STK32C: variants seen among roughly 807,000 people sequenced by gnomAD.
STK32C encodes the protein serine/threonine-protein kinase 32C.
In STK32C, 31 loss-of-function variants were observed where a neutral mutation model predicts 56.5. The ratio of observed to expected loss-of-function variants is 0.55; its 90% CI spans 0.41 to 0.74. The LOEUF is 0.74. Among genes scored for constraint, STK32C ranks in the 30% least tolerant of loss-of-function variants. The pLI is 0.00. For missense variants in STK32C, 544 were observed against 676.9 expected, an observed-to-expected ratio of 0.80 and a Z score of 2.18; for synonymous variants, 309 against 289.4, an observed-to-expected ratio of 1.07 and a Z score of -0.69.
intron 1 of STK32C, among the ~76,000 whole-genome samples, chr10:132,317,907 G>C (rs1291663891): frequency 2.0e-5 from 3 of 148,168 alleles, no homozygotes; most frequent in Non-Finnish European, 4.5e-5. Context: ...GAACCCAGGA[G>C]GCAAAGGTTG....
At chr10:132,238,613 A>T (rs550537304) in intron 2 of STK32C, among the ~76,000 whole-genome samples, 1 of 152,286 alleles carries the variant, frequency 6.6e-6, no homozygotes, top group East Asian at 1.9e-4. Flanking sequence ...GGGAAAGCAT[A>T]GAGCAGACGG....
intron 10 of STK32C, among the ~76,000 whole-genome samples, chr10:132,219,273 CT>C (rs577468405): frequency 4.0e-5 from 6 of 151,562 alleles, no homozygotes; most frequent in Admixed American, 1.3e-4. Context: ...AACAGTGGGA[CT>C]TTTTTTTTGG....
rs73383235 is a variant in STK32C, at chr10:132,250,624, G to T, written c.263-4669C>A. ...GAGGGGCTCCGCCCCGAGGCAGGTG[G>T]GTGTGAGGTGCCCGGGACAGGTCAC... On this transcript the variant is annotated intron_variant, in intron 1 of 11. Transcript: ENST00000298630. 1.9e-3 allele frequency among the ~76,000 whole-genome samples: 271 copies of T among 141,896 alleles called. 4 individuals are homozygous for T. The highest frequency in any genetic ancestry group is 6.8e-3 in the African/African-American group (254 of 37,348). 93.1% of individuals were successfully genotyped at this position (141,896 alleles called of 152,430 possible). A position where few individuals can be genotyped will look rare whatever the true frequency, so the allele number is the denominator to read the frequency against.
At chr10:132,277,841 G>A (rs984975530) in intron 1 of STK32C, among the ~76,000 whole-genome samples, 7 of 151,864 alleles carry the variant, frequency 4.6e-5, no homozygotes, top group Admixed American at 2.0e-4. Flanking sequence ...CCCGGGGCCC[G>A]ACACACCCTC....
intron 2 of STK32C, among the ~76,000 whole-genome samples, chr10:132,230,394 G>A (rs1042268527): frequency 1.4e-4 from 22 of 152,176 alleles, no homozygotes; most frequent in Non-Finnish European, 7.4e-5. Flanking sequence ...TCCCGTGCCC[G>A]GGATGGAAGC....
At chr10:132,296,830 G>A (rs1236972011) in intron 1 of STK32C, among the ~76,000 whole-genome samples, 1 of 152,236 alleles carries the variant, frequency 6.6e-6, no homozygotes, top group Non-Finnish European at 1.5e-5. Context: ...GGCGACCCCG[G>A]GGCATGGTGG....
At chr10:132,328,270 G>T (rs1451301460) in intron 1 of STK32C, among the ~76,000 whole-genome samples, 1 of 152,078 alleles carries the variant, frequency 6.6e-6, no homozygotes, top group South Asian at 2.1e-4. Context: ...GGACTCATAG[G>T]GGGTCGAAGT....
At chr10:132,280,387 C>CCA (rs2065139210) in intron 1 of STK32C, among the ~76,000 whole-genome samples, 1 of 136,782 alleles carries the variant, frequency 7.3e-6, no homozygotes, top group Admixed American at 7.3e-5. Context: ...TCACGACACT[C>CCA]CACCCCGTGA....
intron 1 of STK32C, among the ~76,000 whole-genome samples, chr10:132,265,174 T>TA (rs2064467180): frequency 1.8e-5 from 2 of 109,150 alleles, no homozygotes; most frequent in Non-Finnish European, 3.6e-5. Context: ...GGCGGCGAGG[T>TA]GGCTCTGGGG....
intron 2 of STK32C, among the ~76,000 whole-genome samples, chr10:132,239,728 T>C (rs113452860): frequency 6.6e-6 from 1 of 152,230 alleles, no homozygotes; most frequent in Non-Finnish European, 1.5e-5. Flanking sequence ...CGTCAACTTT[T>C]AGCGGCCACT....
At chr10:132,234,591 T>TGGCCCCTTCTGAGCTTCC (rs1231026845) in intron 2 of STK32C, among the ~76,000 whole-genome samples, 2 of 152,248 alleles carry the variant, frequency 1.3e-5, no homozygotes, top group African/African-American at 4.8e-5. Context: ...GTGCTCTGTA[T>TGGCCCCTTCTGAGCTTCC]GGCCCCTTCT....
intron 1 of STK32C, among the ~76,000 whole-genome samples, chr10:132,279,741 C>T (rs994653530): frequency 9.2e-5 from 14 of 151,514 alleles, no homozygotes; most frequent in South Asian, 4.2e-4. Flanking sequence ...CACTGCACTC[C>T]GTGATCACAC....
rs190836050 is a variant in STK32C, at chr10:132,295,776, C to T, written c.262+11796G>A. Among the ~76,000 whole-genome samples the T allele has an allele frequency of 5.9e-5, 9 of 152,118 alleles. No homozygotes were observed. The East Asian group carries it at 1.7e-3, about 29-fold the overall frequency. On this transcript the variant is annotated intron_variant, in intron 1 of 11. Coordinates refer to ENST00000298630, the MANE Select transcript of STK32C (RefSeq NM_173575.4). ...GCGCACGCCTGTAATCCCAGCTACT[C>T]GGGAGGCTGAGGAAAAAGAATCGCT...
At chr10:132,318,062 G>A (rs1424998169) in intron 1 of STK32C, among the ~76,000 whole-genome samples, 3 of 151,528 alleles carry the variant, frequency 2.0e-5, no homozygotes, top group African/African-American at 7.3e-5. Context: ...AAGGTCAGGA[G>A]TTCCAGACCA....
downstream of STK32C, among the ~76,000 whole-genome samples, chr10:132,322,718 G>C (rs1227332085): frequency 5.3e-5 from 8 of 152,212 alleles, no homozygotes; most frequent in African/African-American, 1.9e-4. Context: ...AGCAGGGGGA[G>C]GAGGCACCCT....
At chr10:132,217,084 A>G (rs934125006) in intron 10 of STK32C, among the ~76,000 whole-genome samples, 1 of 152,218 alleles carries the variant, frequency 6.6e-6, no homozygotes, top group Non-Finnish European at 1.5e-5. Flanking sequence ...AGCTTGCACC[A>G]TGCACCTGGA....
chr10:132,229,073 T>A (rs1380549597), intron 2 of STK32C, among the ~76,000 whole-genome samples: 6 of 152,196 alleles, frequency 3.9e-5, no homozygotes, highest in Non-Finnish European at 1.5e-5. Flanking sequence ...GGGTCCCTTG[T>A]GGCCAAGGAT....
chr10:132,302,655 C>A (rs909126294), intron 1 of STK32C, among the ~76,000 whole-genome samples: 1 of 152,204 alleles, frequency 6.6e-6, no homozygotes, highest in Non-Finnish European at 1.5e-5. Flanking sequence ...CCACCCCTTG[C>A]CTCACAGGGT....
At chr10:132,270,404 G>A (rs375914050) in intron 1 of STK32C, among the ~76,000 whole-genome samples, 1 of 152,240 alleles carries the variant, frequency 6.6e-6, no homozygotes, top group African/African-American at 2.4e-5. Context: ...GCAGATGCAG[G>A]GGTCATGAGC....
Sources: allele counts gnomAD v4.1 joint callset (sites outside exome capture counted in the v4.1 genomes callset), GRCh38; gene constraint gnomAD v4.1.1; transcripts MANE v1.5; gene names NCBI Gene and HGNC (gene_info 2026-07-23, HGNC 2026-07-21).